OR1B1: variants seen among roughly 807,000 people sequenced by gnomAD.
OR1B1 encodes olfactory receptor 1B1.
For synonymous variants in OR1B1, 168 were observed against 156.2 expected, an observed-to-expected ratio of 1.08 and a Z score of -0.57; for missense variants, 414 against 402.1, an observed-to-expected ratio of 1.03 and a Z score of -0.25.
exon 1 of OR1B1, chr9:122,629,324 A>G: frequency 1.9e-6 from 3 of 1,614,156 alleles, no homozygotes; most frequent in Non-Finnish European, 2.5e-6. Flanking sequence ...CCCCATGTCT[A>G]TCACAGAGAG....
At chr9:122,633,964 G>A (rs74728901), upstream of OR1B1, among the ~76,000 whole-genome samples, 3 of 151,436 alleles carry the variant, frequency 2.0e-5, no homozygotes, top group Non-Finnish European at 2.9e-5. Context: ...CAAAAAGAAC[G>A]TGTATTAGTC....
the OR1B1 span, among the ~76,000 whole-genome samples, chr9:122,655,671 C>G: frequency 8.6e-6 from 1 of 116,568 alleles, no homozygotes; most frequent in Admixed American, 1.2e-4. Context: ...GGGAATGACA[C>G]ATACTGGGGC....
At chr9:122,651,551 G>A in the OR1B1 span, among the ~76,000 whole-genome samples, 1 of 151,996 alleles carries the variant, frequency 6.6e-6, no homozygotes, top group South Asian at 2.1e-4. Context: ...GGACAAAGCT[G>A]GAGGCATCAT....
the OR1B1 span, among the ~76,000 whole-genome samples, chr9:122,653,396 A>G: frequency 6.6e-6 from 1 of 152,186 alleles, no homozygotes; most frequent in Non-Finnish European, 1.5e-5. Context: ...TAACCTGTCT[A>G]TGCCTCAATT....
the OR1B1 span, among the ~76,000 whole-genome samples, chr9:122,647,753 G>T: frequency 6.6e-6 from 1 of 152,058 alleles, no homozygotes; most frequent in African/African-American, 2.4e-5. Context: ...GCTACAGGAG[G>T]GAAGAGGCTG....
chr9:122,644,152 C>CTAT, the OR1B1 span, among the ~76,000 whole-genome samples: 2,441 of 152,272 alleles, frequency 0.016, 64 homozygotes, highest in African/African-American at 0.055. Context: ...AATAATCAGG[C>CTAT]TATTGGGGTC....
At chr9:122,636,432 C>T in the OR1B1 span, among the ~76,000 whole-genome samples, 8 of 152,086 alleles carry the variant, frequency 5.3e-5, no homozygotes, top group East Asian at 1.9e-4. Context: ...CTGGGCAACA[C>T]GGTGAAACCC....
At chr9:122,641,676 A>C in the OR1B1 span, among the ~76,000 whole-genome samples, 1 of 152,128 alleles carries the variant, frequency 6.6e-6, no homozygotes, top group Non-Finnish European at 1.5e-5. Flanking sequence ...AGTTCAAGAG[A>C]CCTTTTATAC....
At chr9:122,633,602 C>G (rs973205016), upstream of OR1B1, among the ~76,000 whole-genome samples, 1 of 151,896 alleles carries the variant, frequency 6.6e-6, no homozygotes, top group East Asian at 1.9e-4. Flanking sequence ...TACTCAATAG[C>G]AAAATAATAA....
upstream of OR1B1, among the ~76,000 whole-genome samples, chr9:122,630,069 A>C (rs1172422477): frequency 2.0e-5 from 3 of 152,218 alleles, no homozygotes; most frequent in Non-Finnish European, 4.4e-5. Context: ...GGTCTGGAAC[A>C]AGACAAGGAT....
At chr9:122,654,801 G>A in the OR1B1 span, among the ~76,000 whole-genome samples, 1 of 152,180 alleles carries the variant, frequency 6.6e-6, no homozygotes, top group Non-Finnish European at 1.5e-5. Context: ...ATTTCAGTCT[G>A]CATGATGTCC....
the OR1B1 span, among the ~76,000 whole-genome samples, chr9:122,653,628 G>A: frequency 6.6e-6 from 1 of 152,088 alleles, no homozygotes; most frequent in South Asian, 2.1e-4. Context: ...AACCAAGCCT[G>A]TGTTCTTAAA....
chr9:122,640,194 T>C, the OR1B1 span, among the ~76,000 whole-genome samples: 2 of 152,170 alleles, frequency 1.3e-5, no homozygotes, highest in Non-Finnish European at 2.9e-5. Context: ...CCCCACCTTC[T>C]AGATATTTGC....
chr9:122,643,351 C>T, the OR1B1 span, among the ~76,000 whole-genome samples: 1 of 152,196 alleles, frequency 6.6e-6, no homozygotes, highest in Non-Finnish European at 1.5e-5. Context: ...CAGCACTTCC[C>T]TGTCACAGCA....
chr9:122,633,938 G>A (rs1401074406), upstream of OR1B1, among the ~76,000 whole-genome samples: 1 of 149,288 alleles, frequency 6.7e-6, no homozygotes, highest in Non-Finnish European at 1.5e-5. Context: ...CAAAAAAAGG[G>A]TGGGGTGGGG....
the OR1B1 span, among the ~76,000 whole-genome samples, chr9:122,638,570 A>G: frequency 1.3e-5 from 2 of 152,212 alleles, no homozygotes; most frequent in Non-Finnish European, 2.9e-5. Context: ...ACCCAGAATT[A>G]GGTAATATCT....
At chr9:122,636,871 A>G in the OR1B1 span, among the ~76,000 whole-genome samples, 1 of 152,250 alleles carries the variant, frequency 6.6e-6, no homozygotes, top group East Asian at 1.9e-4. Context: ...ATGCTTTCTC[A>G]TCTGTCAAAT....
chr9:122,646,501 A>G, the OR1B1 span, among the ~76,000 whole-genome samples: 1 of 152,064 alleles, frequency 6.6e-6, no homozygotes, highest in Non-Finnish European at 1.5e-5. Flanking sequence ...AAAGGAATGG[A>G]AAAAGATATT....
At chr9:122,654,567 A>G in the OR1B1 span, among the ~76,000 whole-genome samples, 4 of 152,178 alleles carry the variant, frequency 2.6e-5, no homozygotes, top group African/African-American at 7.2e-5. Context: ...AGAAGAAAGT[A>G]CCACTCCTTC....
Sources: allele counts gnomAD v4.1 joint callset (sites outside exome capture counted in the v4.1 genomes callset), GRCh38; gene constraint gnomAD v4.1.1; transcripts MANE v1.5; gene names NCBI Gene and HGNC (gene_info 2026-07-23, HGNC 2026-07-21).